The following UNC13B variants were observed in gnomAD, a reference collection of about 807,000 sequenced individuals.
UNC13B encodes protein unc-13 homolog B.
UNC13B carries 144 observed loss-of-function variants against 211.0 expected under a neutral mutation model. The ratio of observed to expected loss-of-function variants is 0.68; its 90% confidence interval spans 0.60 to 0.78. The LOEUF (loss-of-function observed/expected upper bound fraction) is 0.78. Among genes scored for constraint, UNC13B ranks in the 30% least tolerant of loss-of-function variants. The probability of loss-of-function intolerance (pLI) is 0.00; values close to 1 mark genes in which losing one functional copy is unlikely to be tolerated. For missense variants in UNC13B, 1,777 were observed against 2,002.0 expected (o/e 0.89, Z 2.14); for synonymous variants, 709 against 725.8 (o/e 0.98, Z 0.37).
At chr9:35,166,274 T>C (rs533573658) in intron 1 of UNC13B, among the ~76,000 whole-genome samples, 52 of 152,026 alleles carry the variant, frequency 3.4e-4, no homozygotes, top group Admixed American at 2.9e-3. Flanking sequence ...CCTAGCTACT[T>C]GGGAGGCTGA....
chr9:35,204,051 G>A (rs886798015), intron 1 of UNC13B, among the ~76,000 whole-genome samples: 1 of 152,240 alleles, frequency 6.6e-6, no homozygotes, highest in East Asian at 1.9e-4. Flanking sequence ...ATGCATCCTG[G>A]AGCACTGCTC....
intron 26 of UNC13B, among the ~76,000 whole-genome samples, chr9:35,392,569 A>G (rs1835601633): frequency 6.7e-6 from 1 of 149,282 alleles, no homozygotes; most frequent in African/African-American, 2.5e-5. Context: ...GCATATTCTC[A>G]CTCATAGGTG....
intron 26 of UNC13B, 109 bp downstream of exon 26, chr9:35,390,823 G>A (rs1383476368): frequency 1.5e-5 from 17 of 1,139,856 alleles, no homozygotes; most frequent in Non-Finnish European, 2.0e-5. Flanking sequence ...GTGGTATAGT[G>A]AGAAACTAAA....
At chr9:35,174,529 C>A (rs1398034216) in intron 1 of UNC13B, among the ~76,000 whole-genome samples, 1 of 150,608 alleles carries the variant, frequency 6.6e-6, no homozygotes, top group Non-Finnish European at 1.5e-5. Flanking sequence ...TTTTGCCGTG[C>A]TGGCCAGGCT....
rs1829614572 is a variant in UNC13B, at chr9:35,300,389, A to G, written c.985A>G (p.Lys329Glu). ...CCCCTACAAAAATGGATTTGTGGTT[A>G]AGAGTGGCATGCAGCGCATTAAGTT... ...LYPYKNGFVV[K>E]SGMQRIKLES... is the part of the protein sequence containing the mutation. The change falls in exon 9 of 40, where the codon AAG becomes GAG. Residue 329 changes from lysine to glutamate, a missense_variant. Physicochemically the swap from Lys to Glu is moderately conservative, Grantham distance 56. Coordinates refer to ENST00000635942, the MANE Select transcript of UNC13B (RefSeq NM_001371189.2). The G allele has an allele frequency of 2.5e-6, 1 of 398,930 alleles. No individual in the cohort carries two copies. Among genetic ancestry groups the G allele is most frequent in the Non-Finnish European group, 4.4e-6 (1 of 226,058 alleles). 24.7% of individuals were successfully genotyped at this position (398,930 alleles called of 1,614,324 possible).
At position 35,181,110 on chromosome 9, in the gene UNC13B, AAAAAAC is replaced by A. The variant is rs1821915997; in HGVS notation, c.22+18816_22+18821del. 2.6e-5 allele frequency among the ~76,000 whole-genome samples: 4 copies of A among 152,262 alleles called. No homozygotes were observed. In the South Asian group the frequency reaches 8.3e-4, roughly 32 times the overall value. ...GAGACGCTGTTTCAAAAAACAAACA[AAAAAAC>A]AAAAACAAAACAATGGCATTTCTTT... On this transcript the variant is annotated intron_variant, in intron 1 of 39. Coordinates refer to ENST00000635942, the MANE Select transcript of UNC13B (RefSeq NM_001371189.2).
intron 23 of UNC13B, 31 bp from the exon 24 acceptor site, chr9:35,386,134 T>C: frequency 6.2e-7 from 1 of 1,613,828 alleles, no homozygotes; most frequent in Admixed American, 1.7e-5. Context: ...GAGCAGGTCC[T>C]TGGGCCCATA....
rs377203976 is a variant in UNC13B, at chr9:35,310,684, G to A, written c.9226G>A (p.Ala3076Thr). 1.3e-5 allele frequency: 21 copies of A among 1,613,960 alleles called. No homozygotes were observed. In the African/African-American group the frequency reaches 2.7e-4, roughly 21 times the overall value. The change falls in exon 10 of 40, where the codon GCA (alanine) becomes ACA (threonine). Residue 3076 changes from alanine (A) to threonine (T), a missense_variant. Transcript: ENST00000635942. ...LEVTGQAEKE[A>T]ACEPKEMKED... is the part of the protein sequence containing the mutation. ...GGTGACAGGTCAAGCAGAGAAGGAG[G>A]CAGCATGTGAACCCAAGGAGATGAA...
chr9:35,181,061 G>T (rs1359688915), intron 1 of UNC13B, among the ~76,000 whole-genome samples: 1 of 152,100 alleles, frequency 6.6e-6, no homozygotes, highest in Non-Finnish European at 1.5e-5. Context: ...TCACACCTCT[G>T]CACTCCAGCC....
Position 35,404,229 on chromosome 9 carries a change from A to C in UNC13B, c.*196A>C. 1 of 681,410 alleles carries C rather than the reference A, an allele frequency of 1.5e-6. No homozygotes were observed. Among genetic ancestry groups the C allele is most frequent in the Non-Finnish European group, 2.4e-6 (1 of 414,578 alleles). 42.2% of individuals were successfully genotyped at this position (681,410 alleles called of 1,614,324 possible). On this transcript the variant is annotated 3_prime_UTR_variant, in exon 40 of 40. Coordinates refer to ENST00000635942, the MANE Select transcript of UNC13B (RefSeq NM_001371189.2). ...GGTCATGAAGCCCTGGCCCAACAGG[A>C]CTGTGGTACTAGGGGCTGGGATGTG...
At chr9:35,296,107 A>G (rs1264341021) in intron 8 of UNC13B, among the ~76,000 whole-genome samples, 177 bp downstream of exon 8, 1 of 152,216 alleles carries the variant, frequency 6.6e-6, no homozygotes, top group Non-Finnish European at 1.5e-5. Context: ...ACATGTTTAT[A>G]CATTGCCATA....
intron 11 of UNC13B, among the ~76,000 whole-genome samples, chr9:35,332,600 A>G (rs1019757998): frequency 6.6e-6 from 1 of 152,118 alleles, no homozygotes. Context: ...TTATTTGCTT[A>G]GACTATAGTA....
At position 35,396,049 on chromosome 9, in the gene UNC13B, C is replaced by A. The variant is rs116637375; in HGVS notation, c.11309-427C>A. 4.4e-4 allele frequency among the ~76,000 whole-genome samples: 67 copies of A among 152,242 alleles called. 1 individual carries two copies. The highest frequency in any genetic ancestry group is 1.6e-3 in the African/African-American group (66 of 41,546). On this transcript the variant is annotated intron_variant, in intron 26 of 39. Transcript: ENST00000635942. ...TGCCATGTACACCTGCTCATCTCTG[C>A]CTTTAAGCCTGTCTGAAGGATGACT...
chr9:35,309,165 T>G (rs894398686), intron 9 of UNC13B, among the ~76,000 whole-genome samples: 7 of 151,812 alleles, frequency 4.6e-5, no homozygotes, highest in African/African-American at 1.7e-4. Context: ...ACAGTACAGA[T>G]TAAGAATGCT....
chr9:35,290,988 CT>C, intron 7 of UNC13B: 2 of 1,415,032 alleles, frequency 1.4e-6, no homozygotes, highest in Non-Finnish European at 9.7e-7. Context: ...ATAATAATTG[CT>C]GAGATGGGGA....
chr9:35,399,591 G>A, intron 35 of UNC13B, 58 bp from the exon 36 acceptor site: 1 of 1,606,822 alleles, frequency 6.2e-7, no homozygotes, highest in Non-Finnish European at 8.5e-7. Context: ...TGGCAGGTGG[G>A]TGCAAGACTT....
At chr9:35,380,369 C>G in intron 17 of UNC13B, 101 bp from the exon 18 acceptor site, 1 of 1,280,324 alleles carries the variant, frequency 7.8e-7, no homozygotes, top group South Asian at 1.5e-5. Context: ...TCTTTCAGGG[C>G]CTCAAGTGCA....
chr9:35,320,160 T>C (rs993569093), intron 11 of UNC13B, among the ~76,000 whole-genome samples: 4 of 152,184 alleles, frequency 2.6e-5, no homozygotes, highest in South Asian at 2.1e-4. Flanking sequence ...CTAGGTTGAT[T>C]TGATGTCTCT....
At chr9:35,374,422 G>T (rs1834256500) in intron 13 of UNC13B, among the ~76,000 whole-genome samples, 1 of 104,686 alleles carries the variant, frequency 9.6e-6, no homozygotes, top group South Asian at 4.3e-4. Context: ...GGGCTTGGCA[G>T]ATACATGGGG....
Sources: gnomAD v4.1 joint callset for allele counts (sites outside exome capture counted in the v4.1 genomes callset) on GRCh38, gnomAD v4.1.1 for gene constraint, MANE v1.5 for transcripts, NCBI Gene and HGNC (gene_info 2026-07-23, HGNC 2026-07-21) for gene names.